The following CDH18 variants were observed in gnomAD, a reference collection of about 807,000 sequenced individuals.
The protein encoded by CDH18 is cadherin 18.
Under a neutral mutation model 67.9 loss-of-function variants are expected in CDH18, and 31 were observed. The observed-to-expected ratio is 0.46, with a 90% CI of 0.34 to 0.62. CDH18 has a LOEUF of 0.62. CDH18 is among the 20% of genes least tolerant of loss of function. CDH18 has a pLI of 0.01. For missense variants in CDH18, 890 were observed against 975.5 expected (o/e 0.91, Z 1.17); for synonymous variants, 362 against 347.2 (o/e 1.04, Z -0.48).
chr5:20,187,771 T>C (rs983958313), intron 2 of CDH18, among the ~76,000 whole-genome samples: 1 of 151,868 alleles, frequency 6.6e-6, no homozygotes, highest in South Asian at 2.1e-4. Context: ...ATTTTAATCA[T>C]TATCAGTTTT....
chr5:19,591,921 TAAAC>T (rs987939822), intron 6 of CDH18, among the ~76,000 whole-genome samples: 17 of 152,072 alleles, frequency 1.1e-4, no homozygotes, highest in Non-Finnish European at 2.5e-4. Context: ...TATAGAAAAT[TAAAC>T]AGCATTTGTG....
intron 9 of CDH18, among the ~76,000 whole-genome samples, chr5:19,540,254 C>A (rs1039601874): frequency 2.6e-5 from 4 of 152,104 alleles, no homozygotes; most frequent in Non-Finnish European, 2.9e-5. Context: ...ACGTCCAGGT[C>A]ATGCTGATAC....
chr5:20,253,800 A>C (rs555933515), intron 2 of CDH18, among the ~76,000 whole-genome samples: 16 of 152,302 alleles, frequency 1.1e-4, no homozygotes, highest in African/African-American at 3.6e-4. Context: ...TGAAGGGGAG[A>C]GAATAAGCAG....
intron 2 of CDH18, among the ~76,000 whole-genome samples, chr5:20,249,293 C>T (rs558898349): frequency 2.0e-5 from 3 of 150,364 alleles, no homozygotes; most frequent in Non-Finnish European, 3.0e-5. Context: ...ACATTCATTT[C>T]TTTTAAATAA....
At chr5:19,628,331 T>C (rs1294319584) in intron 5 of CDH18, among the ~76,000 whole-genome samples, 1 of 152,140 alleles carries the variant, frequency 6.6e-6, no homozygotes, top group Non-Finnish European at 1.5e-5. Context: ...GGGTATGTCT[T>C]TGCCAGCAGT....
intron 3 of CDH18, among the ~76,000 whole-genome samples, chr5:19,747,985 C>T (rs576651636): frequency 4.0e-5 from 6 of 149,816 alleles, no homozygotes; most frequent in East Asian, 2.0e-4. Context: ...TGGTGGCGGG[C>T]GCCTGTAGTC....
chr5:19,795,589 A>T, intron 3 of CDH18, among the ~76,000 whole-genome samples: 1 of 152,200 alleles, frequency 6.6e-6, no homozygotes, highest in East Asian at 1.9e-4. Context: ...TGCTAAACCT[A>T]AACTTGGTGA....
chr5:19,663,712 C>T (rs1188274341), intron 5 of CDH18, among the ~76,000 whole-genome samples: 1 of 151,900 alleles, frequency 6.6e-6, no homozygotes, highest in Non-Finnish European at 1.5e-5. Flanking sequence ...CACTACTTAA[C>T]TCTAATTCTC....
intron 1 of CDH18, among the ~76,000 whole-genome samples, chr5:20,388,443 T>C (rs2150110896): frequency 6.6e-6 from 1 of 152,290 alleles, no homozygotes; most frequent in East Asian, 1.9e-4. Flanking sequence ...ATTGCGTCTG[T>C]TTGATGCTTC....
intron 2 of CDH18, among the ~76,000 whole-genome samples, chr5:20,077,862 T>C (rs1744084632): frequency 6.6e-6 from 1 of 152,202 alleles, no homozygotes; most frequent in African/African-American, 2.4e-5. Flanking sequence ...AAACTTTCAC[T>C]ACAATGTTAT....
At chr5:20,461,937 G>C (rs938207134) in intron 1 of CDH18, among the ~76,000 whole-genome samples, 1 of 152,068 alleles carries the variant, frequency 6.6e-6, no homozygotes, top group Non-Finnish European at 1.5e-5. Context: ...AATTAGGAAA[G>C]CCACTATGAA....
At chr5:20,469,628 A>G (rs1561035383) in intron 1 of CDH18, among the ~76,000 whole-genome samples, 1 of 151,830 alleles carries the variant, frequency 6.6e-6, no homozygotes, top group Non-Finnish European at 1.5e-5. Context: ...GGCCTGTTTT[A>G]TTTTATTTTT....
intron 2 of CDH18, among the ~76,000 whole-genome samples, chr5:19,851,179 C>T (rs1783642672): frequency 6.6e-6 from 1 of 151,738 alleles, no homozygotes; most frequent in South Asian, 2.1e-4. Flanking sequence ...GTTAATATAA[C>T]TGCTGCACTG....
At chr5:20,073,821 C>G (rs1176347276) in intron 2 of CDH18, among the ~76,000 whole-genome samples, 2 of 151,988 alleles carry the variant, frequency 1.3e-5, no homozygotes, top group Admixed American at 1.3e-4. Flanking sequence ...TAGATAAACT[C>G]AGTTATTTCA....
chr5:19,573,126 T>C (rs547358986), intron 7 of CDH18, among the ~76,000 whole-genome samples: 2 of 152,182 alleles, frequency 1.3e-5, no homozygotes, highest in Non-Finnish European at 2.9e-5. Flanking sequence ...CAGAAGTTGA[T>C]CATATATACA....
chr5:19,730,100 C>T (rs530764566), intron 4 of CDH18, among the ~76,000 whole-genome samples: 1 of 152,210 alleles, frequency 6.6e-6, no homozygotes, highest in African/African-American at 2.4e-5. Flanking sequence ...TTTCAGCTGC[C>T]CCCTACCATG....
At chr5:19,552,931 C>G (rs1398160146) in intron 8 of CDH18, among the ~76,000 whole-genome samples, 1 of 149,348 alleles carries the variant, frequency 6.7e-6, no homozygotes, top group African/African-American at 2.5e-5. Context: ...TTTCATATCT[C>G]TAGTAAATGT....
At chr5:20,031,266 C>A (rs1443171164) in intron 2 of CDH18, among the ~76,000 whole-genome samples, 1 of 151,854 alleles carries the variant, frequency 6.6e-6, no homozygotes, top group African/African-American at 2.4e-5. Flanking sequence ...CCATAAAAAC[C>A]CAGGATTCTT....
At chr5:20,193,499 C>A (rs959468405) in intron 2 of CDH18, among the ~76,000 whole-genome samples, 2 of 151,970 alleles carry the variant, frequency 1.3e-5, no homozygotes, top group Admixed American at 6.6e-5. Flanking sequence ...TGAATTCTAC[C>A]AGAAATACAA....
Sources: gnomAD v4.1 joint callset for allele counts (sites outside exome capture counted in the v4.1 genomes callset) on GRCh38, gnomAD v4.1.1 for gene constraint, MANE v1.5 for transcripts, NCBI Gene and HGNC (gene_info 2026-07-23, HGNC 2026-07-21) for gene names.